SLX4IP: variants seen among roughly 807,000 people sequenced by gnomAD.
SLX4IP encodes protein SLX4IP.
SLX4IP carries 34 observed loss-of-function variants against 32.9 expected under a neutral mutation model. The ratio of observed to expected loss-of-function variants is 1.03; its 90% CI spans 0.79 to 1.38. The LOEUF (loss-of-function observed/expected upper bound fraction) is 1.38. Ranked by LOEUF, SLX4IP falls within the 40% of genes most tolerant of loss-of-function variation. The pLI is 0.00. For missense variants in SLX4IP, 444 were observed against 479.0 expected (o/e 0.93, Z 0.68); for synonymous variants, 172 against 171.7 (o/e 1.00, Z -0.01).
chr20:10,512,974 A>G (rs975594309), intron 2 of SLX4IP, among the ~76,000 whole-genome samples: 1 of 151,340 alleles, frequency 6.6e-6, no homozygotes, highest in Admixed American at 6.6e-5. Context: ...TGAAATAGAA[A>G]CTTTGGTTTA....
intron 6 of SLX4IP, among the ~76,000 whole-genome samples, chr20:10,617,652 CTTT>C (rs549525000): frequency 1.2e-4 from 13 of 112,762 alleles, no homozygotes; most frequent in Admixed American, 8.5e-4. Flanking sequence ...TTCTTTCTTT[CTTT>C]TTTTTTTTTT....
chr20:10,520,923 G>A (rs1459701506), intron 2 of SLX4IP, among the ~76,000 whole-genome samples: 1 of 152,116 alleles, frequency 6.6e-6, no homozygotes, highest in Non-Finnish European at 1.5e-5. Flanking sequence ...TCTTTTGGCT[G>A]TTTCTTCTGG....
At chr20:10,498,134 G>A (rs566851008) in intron 2 of SLX4IP, among the ~76,000 whole-genome samples, 1 of 148,348 alleles carries the variant, frequency 6.7e-6, no homozygotes, top group South Asian at 2.2e-4. Flanking sequence ...ACAATTATTG[G>A]CATCCTAGAT....
chr20:10,532,558 CAT>C (rs2065998762), intron 2 of SLX4IP, among the ~76,000 whole-genome samples: 1 of 152,068 alleles, frequency 6.6e-6, no homozygotes, highest in Admixed American at 6.6e-5. Flanking sequence ...TGGACGATTT[CAT>C]AAAAACACAA....
chr20:10,549,698 G>A (rs1239379530), intron 2 of SLX4IP, among the ~76,000 whole-genome samples: 1 of 152,194 alleles, frequency 6.6e-6, no homozygotes, highest in Non-Finnish European at 1.5e-5. Flanking sequence ...CACTGCCTGT[G>A]TAATCTTGGA....
At chr20:10,613,098 A>C (rs903369750) in intron 6 of SLX4IP, 1 of 321,026 alleles carries the variant, frequency 3.1e-6, no homozygotes, top group African/African-American at 2.2e-5. Flanking sequence ...CGCACATCGC[A>C]GAAAGCGGCA....
At chr20:10,439,460 T>G (rs2065143001) in intron 1 of SLX4IP, among the ~76,000 whole-genome samples, 1 of 152,202 alleles carries the variant, frequency 6.6e-6, no homozygotes, top group Admixed American at 6.5e-5. Context: ...TCCTCCCACC[T>G]TGGCCTCTCA....
intron 2 of SLX4IP, among the ~76,000 whole-genome samples, chr20:10,504,706 T>C (rs2065744178): frequency 6.6e-6 from 1 of 152,182 alleles, no homozygotes; most frequent in African/African-American, 2.4e-5. Flanking sequence ...GGGATTTTTC[T>C]GGCCAGAAGA....
chr20:10,489,864 T>C (rs939361455), intron 2 of SLX4IP, among the ~76,000 whole-genome samples: 1 of 152,232 alleles, frequency 6.6e-6, no homozygotes, highest in South Asian at 2.1e-4. Context: ...GCTTACTTGG[T>C]TCTTTAAGAA....
intron 2 of SLX4IP, among the ~76,000 whole-genome samples, chr20:10,545,932 C>T (rs962239056): frequency 1.3e-5 from 2 of 152,186 alleles, no homozygotes; most frequent in South Asian, 4.1e-4. Context: ...TCCTCTAACT[C>T]ATAAACTGAA....
chr20:10,590,172 G>A (rs2066690403), intron 4 of SLX4IP, among the ~76,000 whole-genome samples: 2 of 151,548 alleles, frequency 1.3e-5, no homozygotes, highest in Admixed American at 6.6e-5. Context: ...TTGAGAACAT[G>A]GTATATTAAT....
intron 1 of SLX4IP, among the ~76,000 whole-genome samples, chr20:10,439,014 T>C (rs1009880424): frequency 6.6e-6 from 1 of 151,886 alleles, no homozygotes; most frequent in African/African-American, 2.4e-5. Context: ...CCATCATAAT[T>C]ATTTTGAGAA....
At chr20:10,485,926 G>A (rs990302531) in intron 2 of SLX4IP, among the ~76,000 whole-genome samples, 11 of 152,122 alleles carry the variant, frequency 7.2e-5, no homozygotes, top group East Asian at 1.9e-4. Context: ...ATATTGAGTC[G>A]GTGGAAGAAG....
intron 4 of SLX4IP, among the ~76,000 whole-genome samples, chr20:10,567,954 G>T (rs112725580): frequency 6.6e-6 from 1 of 152,156 alleles, no homozygotes; most frequent in Non-Finnish European, 1.5e-5. Flanking sequence ...CATAACTGGC[G>T]AGTGAAGCTA....
chr20:10,610,954 T>C (rs542753741), intron 6 of SLX4IP, among the ~76,000 whole-genome samples: 13 of 152,312 alleles, frequency 8.5e-5, no homozygotes, highest in African/African-American at 3.1e-4. Flanking sequence ...TGCCTTGTGG[T>C]CTGGGATTGT....
At chr20:10,438,563 C>T (rs1470880764) in intron 1 of SLX4IP, among the ~76,000 whole-genome samples, 2 of 150,900 alleles carry the variant, frequency 1.3e-5, no homozygotes, top group East Asian at 1.9e-4. Context: ...CTGCAACCTC[C>T]GCCTCCTGAG....
chr20:10,566,283 A>ATTTTTTTTT (rs59907123), intron 4 of SLX4IP, among the ~76,000 whole-genome samples: 9 of 97,860 alleles, frequency 9.2e-5, no homozygotes, highest in Non-Finnish European at 9.7e-5. Flanking sequence ...AACTGATTAC[A>ATTTTTTTTT]TTTTTTTTTT....
intron 2 of SLX4IP, among the ~76,000 whole-genome samples, chr20:10,464,676 A>G (rs1007955244): frequency 3.9e-5 from 6 of 152,216 alleles, no homozygotes; most frequent in African/African-American, 1.4e-4. Flanking sequence ...AAATAGTTTG[A>G]CACTTCATCT....
intron 2 of SLX4IP, among the ~76,000 whole-genome samples, chr20:10,505,196 G>C (rs2065749105): frequency 6.6e-6 from 1 of 152,186 alleles, no homozygotes; most frequent in Non-Finnish European, 1.5e-5. Flanking sequence ...TGGGGACTTA[G>C]AGGAATGATA....
Sources: gnomAD v4.1 joint callset for allele counts (sites outside exome capture counted in the v4.1 genomes callset) on GRCh38, gnomAD v4.1.1 for gene constraint, MANE v1.5 for transcripts, NCBI Gene and HGNC (gene_info 2026-07-23, HGNC 2026-07-21) for gene names.